Variants in PSMG2 observed in about 807,000 individuals in gnomAD.
The protein encoded by PSMG2 is CD40 ligand-activated specific transcript 3.
Under a neutral mutation model 31.5 loss-of-function variants are expected in PSMG2, and 21 were observed. That is an observed-to-expected ratio of 0.67 (90% CI 0.47 to 0.96). The LOEUF (loss-of-function observed/expected upper bound fraction) is 0.96, where lower values mean the gene tolerates loss of function less well. Ranked by LOEUF, PSMG2 falls within the 40% of genes least tolerant of loss-of-function variation. The pLI, the probability that PSMG2 is intolerant of heterozygous loss-of-function variation, is 0.00. For missense variants in PSMG2, 318 were observed against 321.2 expected (o/e 0.99, Z 0.08); for synonymous variants, 120 against 110.4 (o/e 1.09, Z -0.54).
At chr18:12,688,203 C>G (rs979420230) in intron 1 of PSMG2, among the ~76,000 whole-genome samples, 2 of 145,060 alleles carry the variant, frequency 1.4e-5, no homozygotes, top group Non-Finnish European at 3.0e-5. Context: ...TGCACTCCAG[C>G]CTGGGCGAGA....
intron 5 of PSMG2, 76 bp from the exon 6 acceptor site, chr18:12,724,413 GTTATCGTAGC>G: frequency 1.5e-6 from 2 of 1,334,100 alleles, no homozygotes; most frequent in Non-Finnish European, 2.0e-6. Context: ...AACCAGGTAG[GTTATCGTAGC>G]TGTAAAAACA....
chr18:12,667,795 T>C (rs1463974329), intron 1 of PSMG2, among the ~76,000 whole-genome samples: 1 of 140,222 alleles, frequency 7.1e-6, no homozygotes, highest in South Asian at 2.2e-4. Context: ...AAAGAAAATA[T>C]AATATTCACT....
intron 1 of PSMG2, among the ~76,000 whole-genome samples, chr18:12,696,698 CTA>C (rs2039970029): frequency 1.3e-5 from 2 of 152,000 alleles, no homozygotes; most frequent in African/African-American, 2.4e-5. Context: ...TCCAAGGAGA[CTA>C]TGATAAATAA....
At chr18:12,701,505 T>C (rs540284762), upstream of PSMG2, among the ~76,000 whole-genome samples, 46 of 152,102 alleles carry the variant, frequency 3.0e-4, no homozygotes, top group Non-Finnish European at 5.4e-4. Context: ...AGCCAACTTA[T>C]TTACCCTTTA....
intron 1 of PSMG2, among the ~76,000 whole-genome samples, chr18:12,693,585 C>T (rs1234196748): frequency 6.6e-6 from 1 of 152,042 alleles, no homozygotes; most frequent in South Asian, 2.1e-4. Flanking sequence ...GAGATCGAGA[C>T]CATCCTGGCC....
intron 1 of PSMG2, among the ~76,000 whole-genome samples, chr18:12,667,643 C>A (rs2038828858): frequency 6.6e-6 from 1 of 151,520 alleles, no homozygotes; most frequent in Non-Finnish European, 1.5e-5. Context: ...TGCCTGTACT[C>A]CCAGCTACTC....
chr18:12,662,842 T>C (rs1286766117), intron 1 of PSMG2, among the ~76,000 whole-genome samples: 1 of 152,196 alleles, frequency 6.6e-6, no homozygotes, highest in Non-Finnish European at 1.5e-5. Context: ...TGAACAATAG[T>C]GTATCAATGG....
chr18:12,691,275 A>G, intron 1 of PSMG2: 2 of 860,766 alleles, frequency 2.3e-6, no homozygotes, highest in Middle Eastern at 5.6e-4. Context: ...AATACATTTT[A>G]CAAATAAATA....
chr18:12,705,560 A>AGT (rs2040257285), intron 1 of PSMG2, among the ~76,000 whole-genome samples: 1 of 135,134 alleles, frequency 7.4e-6, no homozygotes, highest in Non-Finnish European at 1.6e-5. Context: ...AGAGAGAGAG[A>AGT]GAGAGAGAGA....
upstream of PSMG2, among the ~76,000 whole-genome samples, chr18:12,698,282 G>A (rs2040031129): frequency 6.6e-6 from 1 of 151,906 alleles, no homozygotes; most frequent in Admixed American, 6.6e-5. Context: ...AGGCTGGAGT[G>A]CAATGGGGTG....
chr18:12,659,010 G>T (rs900698285), intron 1 of PSMG2: 1 of 158,058 alleles, frequency 6.3e-6, no homozygotes, highest in African/African-American at 2.4e-5. Flanking sequence ...AGGGCAATTA[G>T]CCGTAGAAAG....
At chr18:12,722,464 G>T (rs1321285348) in intron 5 of PSMG2, among the ~76,000 whole-genome samples, 2 of 152,168 alleles carry the variant, frequency 1.3e-5, no homozygotes, top group African/African-American at 4.8e-5. Context: ...GAGGGCAGGG[G>T]TGCTGCTCAT....
chr18:12,725,342 A>G, intron 6 of PSMG2, 97 bp from the exon 7 acceptor site: 2 of 968,354 alleles, frequency 2.1e-6, no homozygotes, highest in Non-Finnish European at 3.0e-6. Context: ...AAAAGTGCCA[A>G]CCAAAAGGAA....
At chr18:12,690,605 G>A (rs569636337) in intron 1 of PSMG2, among the ~76,000 whole-genome samples, 2 of 152,004 alleles carry the variant, frequency 1.3e-5, no homozygotes, top group South Asian at 2.1e-4. Flanking sequence ...ATAGGAGCCC[G>A]CCATCACGCC....
chr18:12,725,473 A>C lies in PSMG2; in HGVS notation c.737A>C (p.Lys246Thr), dbSNP rs2145155761. 1.2e-6 allele frequency: 2 copies of C among 1,606,070 alleles called. No homozygotes were observed. Among genetic ancestry groups the C allele is most frequent in the Non-Finnish European group, 1.7e-6 (2 of 1,172,978 alleles). ...CCCACAGTATCTGCCTCACGGTGGA[A>C]AATACCAAGTTCTTGGAGATTACTC... ...DDPTVSASRWKIPSSWRLLFG... is the reference protein window; with the variant it reads ...DDPTVSASRWTIPSSWRLLFG... Residue 246 changes from lysine to threonine, a missense_variant, in exon 7 of 7, where the codon AAA becomes ACA. Lys to Thr is a moderately conservative substitution (Grantham distance 78). Transcript: ENST00000317615.
intron 2 of PSMG2, among the ~76,000 whole-genome samples, chr18:12,711,063 G>T (rs530329661): frequency 8.5e-5 from 13 of 152,268 alleles, no homozygotes; most frequent in African/African-American, 3.1e-4. Flanking sequence ...TCACACCATT[G>T]TACTCCAGTC....
intron 2 of PSMG2, among the ~76,000 whole-genome samples, chr18:12,706,987 G>C (rs906601622): frequency 1.3e-5 from 2 of 151,666 alleles, no homozygotes; most frequent in Non-Finnish European, 2.9e-5. Flanking sequence ...ACGGAGTCTC[G>C]CTCTCTTGCC....
rs564002086 is a variant in PSMG2, at chr18:12,717,657, T to C, written c.289-860T>C. On this transcript the variant is annotated intron_variant, in intron 3 of 6. Coordinates refer to ENST00000317615, the MANE Select transcript of PSMG2 (RefSeq NM_020232.5). The stretch of plus-strand genomic sequence containing the variant: ...TCCACAGCTGTTCCGAAAGTATCCT[T>C]CAATTCTGGATCCATTGATGGTTCA... Among the ~76,000 whole-genome samples, 4 of 152,354 alleles carry C rather than the reference T, an allele frequency of 2.6e-5. No homozygotes were observed. The South Asian group carries it at 8.3e-4, about 32-fold the overall frequency.
upstream of PSMG2, chr18:12,701,106 A>G (rs751320382): frequency 1.1e-5 from 18 of 1,610,372 alleles, no homozygotes; most frequent in Admixed American, 8.4e-5. Context: ...TCTACCATGG[A>G]CATCCATCTA....
Sources: allele counts gnomAD v4.1 joint callset (sites outside exome capture counted in the v4.1 genomes callset), GRCh38; gene constraint gnomAD v4.1.1; transcripts MANE v1.5; gene names NCBI Gene and HGNC (gene_info 2026-07-23, HGNC 2026-07-21).